The following PPM1E variants were observed in gnomAD, a reference collection of about 807,000 sequenced individuals.
The protein encoded by PPM1E is protein phosphatase, Mg2+/Mn2+ dependent 1E, also known as protein phosphatase 1E.
PPM1E carries 20 observed loss-of-function variants against 65.9 expected under a neutral mutation model. The ratio of observed to expected loss-of-function variants is 0.30; its 90% CI spans 0.21 to 0.44. The LOEUF (loss-of-function observed/expected upper bound fraction) is 0.44. Ranked by LOEUF, PPM1E falls within the 20% of genes least tolerant of loss-of-function variation. The pLI, the probability that PPM1E is intolerant of heterozygous loss-of-function variation, is 1.00. For missense variants in PPM1E, 713 were observed against 953.1 expected (o/e 0.75, Z 3.32); for synonymous variants, 352 against 374.9 (o/e 0.94, Z 0.70).
At chr17:58,892,468 G>A (rs924045953) in intron 1 of PPM1E, among the ~76,000 whole-genome samples, 2 of 152,060 alleles carry the variant, frequency 1.3e-5, no homozygotes, top group Non-Finnish European at 2.9e-5. Context: ...AGCTACTCAG[G>A]AGGCTGAGGC....
At chr17:58,776,589 C>CT (rs2049996807) in intron 1 of PPM1E, among the ~76,000 whole-genome samples, 1 of 152,122 alleles carries the variant, frequency 6.6e-6, no homozygotes, top group Non-Finnish European at 1.5e-5. Flanking sequence ...TGATCTGTGT[C>CT]ATTTCCTCAT....
At position 58,983,333 on chromosome 17, in the gene PPM1E, G is replaced by A; in HGVS notation, c.*2302G>A. On this transcript the variant is annotated 3_prime_UTR_variant, in exon 7 of 7. Transcript: ENST00000308249. ...TAGAGTAGTTAGGTACCATTTGTAA[G>A]GTAAATCCTTTAAAATTCTATAATA... is the stretch of plus-strand genomic sequence containing the variant. 6.3e-6 allele frequency: 1 copy of A among 158,654 alleles called. No individual in the cohort carries two copies. The highest frequency in any genetic ancestry group is 1.4e-5 in the Non-Finnish European group (1 of 72,006). 9.8% of individuals were successfully genotyped at this position (158,654 alleles called of 1,614,324 possible).
At chr17:58,814,624 A>G (rs1028652357) in intron 1 of PPM1E, among the ~76,000 whole-genome samples, 2 of 152,204 alleles carry the variant, frequency 1.3e-5, no homozygotes, top group African/African-American at 4.8e-5. Context: ...TGTACAGTGC[A>G]TTATTCCAGG....
intron 1 of PPM1E, among the ~76,000 whole-genome samples, chr17:58,858,551 G>A (rs192904762): frequency 2.6e-5 from 4 of 151,058 alleles, no homozygotes; most frequent in Non-Finnish European, 4.4e-5. Context: ...CCAAATATGA[G>A]TGAGTATATG....
chr17:58,973,672 G>T (rs1041417793), intron 6 of PPM1E, among the ~76,000 whole-genome samples: 1 of 151,812 alleles, frequency 6.6e-6, no homozygotes, highest in Admixed American at 6.6e-5. Context: ...AAAAACAAAG[G>T]CCGGGCGCAG....
chr17:58,959,542 T>C (rs1283414015), intron 2 of PPM1E, among the ~76,000 whole-genome samples: 4 of 146,376 alleles, frequency 2.7e-5, no homozygotes, highest in Non-Finnish European at 4.5e-5. Context: ...GAGCTTGCAG[T>C]GAGCTGAGAT....
chr17:58,785,472 A>G (rs1348003130), intron 1 of PPM1E: 1 of 80,436 alleles, frequency 1.2e-5, no homozygotes, highest in Non-Finnish European at 3.5e-5. Context: ...ATATATATAT[A>G]TATATATATA....
chr17:58,819,616 A>G (rs1301209909), intron 1 of PPM1E, among the ~76,000 whole-genome samples: 3 of 152,152 alleles, frequency 2.0e-5, no homozygotes, highest in African/African-American at 7.2e-5. Context: ...TACAGGTAGT[A>G]TAGTGGCTTC....
chr17:58,756,157 G>A lies in PPM1E; in HGVS notation c.160G>A (p.Val54Ile), dbSNP rs2049760269. The change falls in exon 1 of 7, where the codon GTA (valine) becomes ATA (isoleucine). Residue 54 changes from valine (V) to isoleucine (I), a missense_variant. Coordinates refer to ENST00000308249, the MANE Select transcript of PPM1E (RefSeq NM_014906.5). Reference sequence around the variant, plus strand: ...CGAGCCCGAGCCCGAACCTGAACTGGTAGAAGCTGAGGCGGCCGAGGCTTC... The same window carrying A: ...CGAGCCCGAGCCCGAACCTGAACTGATAGAAGCTGAGGCGGCCGAGGCTTC... ...ESEPEPEPEL[V>I]EAEAAEASVE... The A allele has an allele frequency of 6.3e-7, 1 of 1,592,272 alleles. No homozygotes were observed. Among genetic ancestry groups the A allele is most frequent in the African/African-American group, 1.3e-5 (1 of 74,774 alleles).
In PPM1E at chr17:58,970,369, G is replaced by A. The variant is rs113772134; in HGVS notation, c.972+642G>A. Reference sequence around the variant, plus strand: ...AAGTAAAAAAATTAATCTAATTATCGTTCTGGGTATTGGTACATAATTAAC... The same window carrying A: ...AAGTAAAAAAATTAATCTAATTATCATTCTGGGTATTGGTACATAATTAAC... On this transcript the variant is annotated intron_variant, in intron 4 of 6. Coordinates refer to ENST00000308249, the MANE Select transcript of PPM1E (RefSeq NM_014906.5). Among the ~76,000 whole-genome samples, 1,322 of 152,196 alleles carry A rather than the reference G, an allele frequency of 8.7e-3. 23 individuals carry two copies. The highest frequency in any genetic ancestry group is 0.029 in the African/African-American group (1,216 of 41,536).
At chr17:58,763,543 C>T (rs1037421248) in intron 1 of PPM1E, among the ~76,000 whole-genome samples, 11 of 152,080 alleles carry the variant, frequency 7.2e-5, no homozygotes, top group African/African-American at 2.7e-4. Context: ...AGCTTGGTGG[C>T]TCCTGCCCTA....
chr17:58,965,382 C>G (rs1453684785), intron 2 of PPM1E, among the ~76,000 whole-genome samples: 1 of 152,016 alleles, frequency 6.6e-6, no homozygotes. Context: ...GTGCTGGGAA[C>G]TAGGGAGCAG....
chr17:58,777,343 A>C (rs2050003972), intron 1 of PPM1E, among the ~76,000 whole-genome samples: 1 of 152,186 alleles, frequency 6.6e-6, no homozygotes, highest in Non-Finnish European at 1.5e-5. Context: ...ATGAACATTG[A>C]ATTATCCGTG....
At chr17:58,860,411 C>T (rs938821141) in intron 1 of PPM1E, among the ~76,000 whole-genome samples, 7 of 152,140 alleles carry the variant, frequency 4.6e-5, no homozygotes, top group East Asian at 1.9e-4. Context: ...TACAGTATTC[C>T]TTAGTTTTCC....
At chr17:58,904,873 A>AT in intron 1 of PPM1E, among the ~76,000 whole-genome samples, 1 of 151,534 alleles carries the variant, frequency 6.6e-6, no homozygotes, top group South Asian at 2.1e-4. Context: ...AAAAAAAAAA[A>AT]TCAGCCGGAT....
At chr17:58,969,882 A>G (rs1456254343) in intron 4 of PPM1E, among the ~76,000 whole-genome samples, 155 bp downstream of exon 4, 5 of 152,198 alleles carry the variant, frequency 3.3e-5, no homozygotes, top group African/African-American at 4.8e-5. Flanking sequence ...TGTAGTTCCA[A>G]TTCCCTCCTC....
chr17:58,955,745 G>A lies in PPM1E; in HGVS notation c.561G>A (p.Thr187=), dbSNP rs766566523. ...DLSAHYIPKE[T]DGTEGTVEIE... ...CTGCACATTATATCCCAAAGGAAAC[G>A]GATGGCACAGAAGGGACTGTGGGTG... is the stretch of plus-strand genomic sequence containing the variant. Residue 187 remains threonine (T), a synonymous_variant, in exon 2 of 7, where the codon ACG becomes ACA. Coordinates refer to ENST00000308249, the MANE Select transcript of PPM1E (RefSeq NM_014906.5). 5.0e-6 allele frequency: 8 copies of A among 1,610,050 alleles called. No individual in the cohort carries two copies. The highest frequency in any genetic ancestry group is 4.5e-5 in the East Asian group (2 of 44,800).
chr17:58,849,184 G>A (rs1327397767), intron 1 of PPM1E, among the ~76,000 whole-genome samples: 1 of 151,968 alleles, frequency 6.6e-6, no homozygotes, highest in Non-Finnish European at 1.5e-5. Context: ...AGTCTTGCTA[G>A]CAGTCTATCA....
intron 1 of PPM1E, among the ~76,000 whole-genome samples, chr17:58,838,106 A>T (rs2143204975): frequency 6.6e-6 from 1 of 152,372 alleles, no homozygotes; most frequent in Middle Eastern, 3.4e-3. Context: ...TCTAGAAGAT[A>T]ACATAGGAGA....
Sources: gnomAD v4.1 joint callset for allele counts (sites outside exome capture counted in the v4.1 genomes callset) on GRCh38, gnomAD v4.1.1 for gene constraint, MANE v1.5 for transcripts, NCBI Gene and HGNC (gene_info 2026-07-23, HGNC 2026-07-21) for gene names.